ERFL: variants seen among roughly 807,000 people sequenced by gnomAD.
The protein encoded by ERFL is ETS repressor factor like, also known as ETS domain-containing transcription factor ERF-like.
A neutral mutation model predicts 27.9 loss-of-function variants in ERFL; 8 were observed. The ratio of observed to expected loss-of-function variants is 0.29; its 90% CI spans 0.17 to 0.52. ERFL has a LOEUF of 0.52. ERFL is among the 20% of genes least tolerant of loss of function. ERFL has a pLI of 0.97. For synonymous variants in ERFL, 174 were observed against 202.8 expected, an observed-to-expected ratio of 0.86 and a Z score of 1.21; for missense variants, 294 against 444.4, an observed-to-expected ratio of 0.66 and a Z score of 3.04.
rs1419067455 is a variant in ERFL at position 41,916,921 on chromosome 19, C to T, written c.-13-3989G>A. On this transcript the variant is annotated intron_variant, in intron 1 of 5. Coordinates refer to ENST00000597630, the MANE Select transcript of ERFL (RefSeq NM_001365103.2). The surrounding 1 kb of genome is among the most constrained non-coding windows in gnomAD (Gnocchi z 5.4). ...GGTGGGCACTCAGAGATGACCCCAACCCAAGGCCCCTGCCACTCCTGCTCC... is the reference window on the plus strand; with the variant it reads ...GGTGGGCACTCAGAGATGACCCCAATCCAAGGCCCCTGCCACTCCTGCTCC... 1.3e-5 allele frequency among the ~76,000 whole-genome samples: 2 copies of T among 152,172 alleles called. No homozygotes were observed. The highest frequency in any genetic ancestry group is 4.8e-5 in the African/African-American group (2 of 41,424).
chr19:41,909,532 T>C lies in ERFL; in HGVS notation c.303-61A>G, dbSNP rs542813906. ...GGGAGCCCTGGGGCGGGATCTGGGG[T>C]TTCTTAATGCGTGTGCTGTCCCAGG... On this transcript the variant is annotated intron_variant, in intron 3 of 5. Coordinates refer to ENST00000597630, the MANE Select transcript of ERFL (RefSeq NM_001365103.2). This position sits in a 1 kb window ranked among gnomAD's most constrained non-coding sequence, Gnocchi z 5.2. The C allele has an allele frequency of 2.8e-5, 32 of 1,161,296 alleles. No individual in the cohort carries two copies. The East Asian group carries it at 9.9e-4, about 36-fold the overall frequency. The allele number at this position is 1,161,296 out of a possible 1,614,324, so 71.9% of individuals were successfully genotyped here.
chr19:41,915,959 G>A (rs1245142166), intron 1 of ERFL, among the ~76,000 whole-genome samples: 7 of 151,976 alleles, frequency 4.6e-5, no homozygotes, highest in African/African-American at 1.7e-4. Context: ...CGGCCGGCGT[G>A]GTGCGGATGG....
rs1347692416 is a variant in ERFL at position 41,909,802 on chromosome 19, C to T, written c.302+61G>A. On this transcript the variant is annotated intron_variant, in intron 3 of 5. Coordinates refer to ENST00000597630, the MANE Select transcript of ERFL (RefSeq NM_001365103.2). The surrounding 1 kb of genome is among the most constrained non-coding windows in gnomAD (Gnocchi z 5.2). Reference sequence around the variant, plus strand: ...AACCTGCCCCAGGATGCAGAGGGGGCACCAGAGGGACAGTTGGGGGAAAAG... The same window carrying T: ...AACCTGCCCCAGGATGCAGAGGGGGTACCAGAGGGACAGTTGGGGGAAAAG... 8 of 1,494,496 alleles carry T rather than the reference C, an allele frequency of 5.4e-6. No individual in the cohort carries two copies. In the South Asian group the frequency reaches 7.9e-5, roughly 15 times the overall value. The allele number at this position is 1,494,496 out of a possible 1,614,324, so 92.6% of individuals were successfully genotyped here. A position where few individuals can be genotyped will look rare whatever the true frequency, so the allele number is the denominator to read the frequency against.
At chr19:41,927,155 G>GAGAGAC (rs1412876725) in intron 1 of ERFL, among the ~76,000 whole-genome samples, 1 of 152,296 alleles carries the variant, frequency 6.6e-6, no homozygotes, top group South Asian at 2.1e-4. Flanking sequence ...GAGATGCTGT[G>GAGAGAC]AGAGACAGAG....
At chr19:41,925,260 AGG>A (rs1406286597) in intron 1 of ERFL, among the ~76,000 whole-genome samples, 4 of 152,124 alleles carry the variant, frequency 2.6e-5, no homozygotes, top group African/African-American at 9.7e-5. Flanking sequence ...TGGCAGGTGC[AGG>A]GGGTTACTGG....
At chr19:41,915,371 T>C (rs1281708038) in intron 1 of ERFL, among the ~76,000 whole-genome samples, 1 of 151,106 alleles carries the variant, frequency 6.6e-6, no homozygotes, top group Non-Finnish European at 1.5e-5. Context: ...CCCCTCGCCC[T>C]TGCCCATCGC....
chr19:41,928,063 C>A lies in ERFL; in HGVS notation c.-37G>T, dbSNP rs975483586. The A allele has an allele frequency of 1.3e-5, 2 of 152,188 alleles. No homozygotes were observed. Among genetic ancestry groups the A allele is most frequent in the Admixed American group, 6.5e-5 (1 of 15,282 alleles). 9.4% of individuals were successfully genotyped at this position (152,188 alleles called of 1,614,324 possible). ...ACTTTCTGGGCTTTTCGCATCCGCT[C>A]CGGTCCGGGGAGAAGTGTTTAAAGT... is the stretch of plus-strand genomic sequence containing the variant. On this transcript the variant is annotated 5_prime_UTR_variant, in exon 1 of 6. Transcript: ENST00000597630.
rs2074744320 is a variant in ERFL, at chr19:41,910,191, TCTC to T, written c.68-97_68-95del. ...CTCAGTAACCTGGGAGGCATGTAGT[TCTC>T]CTCCAGTCTCAGGCATCTTTAGGGA... On this transcript the variant is annotated intron_variant, in intron 2 of 5. Transcript: ENST00000597630. The surrounding 1 kb of genome is among the most constrained non-coding windows in gnomAD (Gnocchi z 4.4). The T allele has an allele frequency of 1.7e-6, 2 of 1,197,504 alleles. No homozygotes were observed. The highest frequency in any genetic ancestry group is 5.1e-5 in the East Asian group (2 of 39,148). 74.2% of individuals were successfully genotyped at this position (1,197,504 alleles called of 1,614,324 possible). A position where few individuals can be genotyped will look rare whatever the true frequency, so the allele number is the denominator to read the frequency against.
At chr19:41,913,827 C>T (rs2145887715) in intron 1 of ERFL, among the ~76,000 whole-genome samples, 1 of 151,088 alleles carries the variant, frequency 6.6e-6, no homozygotes, top group Admixed American at 6.6e-5. Context: ...GCAATCCACT[C>T]CCTCTCACAC....
At chr19:41,913,488 C>G (rs941682098) in intron 1 of ERFL, among the ~76,000 whole-genome samples, 21 of 151,754 alleles carry the variant, frequency 1.4e-4, no homozygotes, top group Non-Finnish European at 2.8e-4. Flanking sequence ...GCAGCCCTGA[C>G]CCGCAGCCGC....
chr19:41,915,776 C>G (rs1307479535), intron 1 of ERFL, among the ~76,000 whole-genome samples: 1 of 152,214 alleles, frequency 6.6e-6, no homozygotes, highest in African/African-American at 2.4e-5. Flanking sequence ...CCCTGGCGCC[C>G]CCCTGGCCCC....
At chr19:41,914,014 G>A (rs2074770788) in intron 1 of ERFL, among the ~76,000 whole-genome samples, 1 of 138,408 alleles carries the variant, frequency 7.2e-6, no homozygotes, top group Admixed American at 7.2e-5. Context: ...GCTCCCATGC[G>A]CCCCCCAGCC....
chr19:41,914,005 C>T (rs1331459957), intron 1 of ERFL, among the ~76,000 whole-genome samples: 2 of 151,434 alleles, frequency 1.3e-5, no homozygotes, highest in African/African-American at 4.9e-5. Context: ...CTCCCCACTG[C>T]TCCCATGCGC....
Position 41,908,158 on chromosome 19 carries a change from C to G in ERFL, c.*70G>C, listed in dbSNP as rs138350404. The G allele has an allele frequency of 0.029, 33,833 of 1,180,688 alleles. 539 individuals are homozygous for G. The highest frequency in any genetic ancestry group is 0.033 in the Non-Finnish European group (30,929 of 941,282). 73.1% of individuals were successfully genotyped at this position (1,180,688 alleles called of 1,614,324 possible). On this transcript the variant is annotated 3_prime_UTR_variant, in exon 6 of 6. Transcript: ENST00000597630. The surrounding 1 kb of genome is among the most constrained non-coding windows in gnomAD (Gnocchi z 6.7). The stretch of plus-strand genomic sequence containing the variant: ...CTGAGGGCTGGTCCTGGGCCTTGGG[C>G]CAGGCATCAAGGGCAGACGGGCAGC...
rs1347802103 is a variant in ERFL at position 41,921,978 on chromosome 19, C to T, written c.-14+6062G>A. 2.0e-5 allele frequency among the ~76,000 whole-genome samples: 3 copies of T among 151,860 alleles called. No homozygotes were observed. Among genetic ancestry groups the T allele is most frequent in the African/African-American group, 7.3e-5 (3 of 41,280 alleles). On this transcript the variant is annotated intron_variant, in intron 1 of 5. Coordinates refer to ENST00000597630, the MANE Select transcript of ERFL (RefSeq NM_001365103.2). The surrounding 1 kb of genome is among the most constrained non-coding windows in gnomAD (Gnocchi z 4.4). Reference sequence around the variant, plus strand: ...CTCATCCCCAACTCCCACCCCTTCCCCACCCTTGCCTTCATTCTACCTCCA... The same window carrying T: ...CTCATCCCCAACTCCCACCCCTTCCTCACCCTTGCCTTCATTCTACCTCCA...
In ERFL at chr19:41,908,421, G is replaced by A. The variant is rs1376446527; in HGVS notation, c.872C>T (p.Ser291Leu). The part of the protein sequence containing the change: ...TGEGLGPERP[S>L]GLAAAPRLAL... ...CAGGCGAGGGGCCGCTGCCAGGCCC[G>A]AGGGGCGCTCGGGGCCCAGGCCCTC... Residue 291 changes from serine (S) to leucine (L), a missense_variant, in exon 6 of 6, where the codon TCG becomes TTG. Ser to Leu is a moderately radical substitution (Grantham distance 145). Around this residue, in one of 3 missense-constraint regions of ERFL, gnomAD observed 246 missense variants for 371.4 expected, o/e 0.66. Coordinates refer to ENST00000597630, the MANE Select transcript of ERFL (RefSeq NM_001365103.2). The surrounding 1 kb of genome is among the most constrained non-coding windows in gnomAD (Gnocchi z 6.7). The A allele has an allele frequency of 2.9e-5, 36 of 1,231,082 alleles. No individual in the cohort carries two copies. Among genetic ancestry groups the A allele is most frequent in the Middle Eastern group, 3.1e-4 (1 of 3,230 alleles). 76.3% of individuals were successfully genotyped at this position (1,231,082 alleles called of 1,614,324 possible).
Position 41,909,589 on chromosome 19 carries a change from A to G in ERFL, c.303-118T>C. 1.1e-6 allele frequency: 1 copy of G among 880,580 alleles called. No individual in the cohort carries two copies. The highest frequency in any genetic ancestry group is 2.7e-5 in the South Asian group (1 of 37,250). 54.5% of individuals were successfully genotyped at this position (880,580 alleles called of 1,614,324 possible). A position where few individuals can be genotyped will look rare whatever the true frequency, so the allele number is the denominator to read the frequency against. ...GCACAGAGCACTAGAACTTGGGGAA[A>G]CTGAGGCTCACAGAAGTCCCTTAAT... On this transcript the variant is annotated intron_variant, in intron 3 of 5. Coordinates refer to ENST00000597630, the MANE Select transcript of ERFL (RefSeq NM_001365103.2). This position sits in a 1 kb window ranked among gnomAD's most constrained non-coding sequence, Gnocchi z 5.2.
At chr19:41,911,566 C>T (rs1447756060) in intron 2 of ERFL, among the ~76,000 whole-genome samples, 3 of 151,704 alleles carry the variant, frequency 2.0e-5, no homozygotes, top group South Asian at 2.1e-4. Flanking sequence ...TTGTGCCTCC[C>T]GGCCTGAAGG....
At position 41,908,628 on chromosome 19, in the gene ERFL, C is replaced by T. The variant is rs189773033; in HGVS notation, c.665G>A (p.Arg222His). The T allele has an allele frequency of 7.5e-3, 9,295 of 1,231,550 alleles. 53 individuals carry two copies. The highest frequency in any genetic ancestry group is 8.4e-3 in the Non-Finnish European group (8,269 of 987,976). 76.3% of individuals were successfully genotyped at this position (1,231,550 alleles called of 1,614,324 possible). A position where few individuals can be genotyped will look rare whatever the true frequency, so the allele number is the denominator to read the frequency against. ...GTTCCAGGGGTACTCAGGGAAGGCG[C>T]GGCCATAAGGACCCAGCAGGCCAGG... Reference protein sequence around the residue: ...KPPGLLGPYGRAFPEYPWNFN... With the variant: ...KPPGLLGPYGHAFPEYPWNFN... Residue 222 changes from arginine (R) to histidine (H), a missense_variant, in exon 6 of 6, where the codon CGC (arginine) becomes CAC (histidine). By Grantham distance (29) the Arg-to-His change is conservative (BLOSUM62 0). This residue lies in a region of ERFL where 246 missense variants were observed against 371.4 expected (regional missense o/e 0.66). Coordinates refer to ENST00000597630, the MANE Select transcript of ERFL (RefSeq NM_001365103.2). The surrounding 1 kb of genome is among the most constrained non-coding windows in gnomAD (Gnocchi z 6.7).
Sources: allele counts gnomAD v4.1 joint callset (sites outside exome capture counted in the v4.1 genomes callset), GRCh38; gene constraint gnomAD v4.1.1; regional missense constraint gnomAD v4.1.1; non-coding constraint Gnocchi (gnomAD v3.1); transcripts MANE v1.5; gene names NCBI Gene and HGNC (gene_info 2026-07-23, HGNC 2026-07-21).